The following MAD1L1 variants were observed in gnomAD, a reference collection of about 807,000 sequenced individuals.
MAD1L1 encodes mitotic arrest deficient 1 like 1, also known as mitotic spindle assembly checkpoint protein MAD1.
In MAD1L1, 95 loss-of-function variants were observed where a neutral mutation model predicts 96.9. The observed-to-expected ratio is 0.98, with a 90% CI of 0.83 to 1.16. The LOEUF (loss-of-function observed/expected upper bound fraction) is 1.16. MAD1L1 is among the 50% of genes most tolerant of loss of function. The pLI is 0.00. For missense variants in MAD1L1, 1,007 were observed against 954.4 expected (o/e 1.06, Z -0.73); for synonymous variants, 473 against 396.6 (o/e 1.19, Z -2.29).
intron 9 of MAD1L1, among the ~76,000 whole-genome samples, chr7:2,213,493 T>C (rs1018438991): frequency 1.1e-4 from 17 of 152,178 alleles, no homozygotes; most frequent in African/African-American, 3.9e-4. Context: ...CACTCCTTCC[T>C]GGCCCCGTAA....
intron 18 of MAD1L1, among the ~76,000 whole-genome samples, chr7:1,820,894 A>G (rs1346728507): frequency 6.6e-6 from 1 of 152,052 alleles, no homozygotes; most frequent in Non-Finnish European, 1.5e-5. Flanking sequence ...ATCCTGGCTA[A>G]CACAGTGAAA....
rs1430409430 is a variant in MAD1L1 at position 2,014,501 on chromosome 7, C to T, written c.1359+1G>A. 1 of 1,582,932 alleles carries T rather than the reference C, an allele frequency of 6.3e-7. No individual in the cohort carries two copies. Among genetic ancestry groups the T allele is most frequent in the South Asian group, 1.1e-5 (1 of 88,174 alleles). On this transcript the variant is annotated splice_donor_variant, in intron 13 of 18. Transcript: ENST00000265854. LOFTEE classifies it high-confidence loss of function. Reference sequence around the variant, plus strand: ...TGAGCCCCACGCCCGCGGCCCCTCACCTCCATCTCGGCGCTGTGGCTGTGC... The same window carrying T: ...TGAGCCCCACGCCCGCGGCCCCTCATCTCCATCTCGGCGCTGTGGCTGTGC...
At position 1,844,790 on chromosome 7, in the gene MAD1L1, G is replaced by A. The variant is rs528090789; in HGVS notation, c.1999-28562C>T. ...GATGCTCCTGCAGGGGTGGAGGGGC[G>A]CGTGGGTACAGTCAGCAGGGCTGTG... On this transcript the variant is annotated intron_variant, in intron 18 of 18. Transcript: ENST00000265854. 1.1e-4 allele frequency among the ~76,000 whole-genome samples: 17 copies of A among 152,328 alleles called. No homozygotes were observed. The South Asian group carries it at 2.3e-3, about 20-fold the overall frequency.
rs1218716330 is a variant in MAD1L1, at chr7:1,838,891, G to C, written c.1999-22663C>G. ...CAGGTAAGACTACCTAAGGTTCCAG[G>C]CACACCCTGGGGCGGGGAGGAGGCT... is the stretch of plus-strand genomic sequence containing the variant. On this transcript the variant is annotated intron_variant, in intron 18 of 18. Coordinates refer to ENST00000265854, the MANE Select transcript of MAD1L1 (RefSeq NM_001013836.2). 1.5e-5 allele frequency: 7 copies of C among 470,616 alleles called. No homozygotes were observed. In the East Asian group the frequency reaches 4.9e-4, roughly 33 times the overall value. 29.2% of individuals were successfully genotyped at this position (470,616 alleles called of 1,614,324 possible).
intron 12 of MAD1L1, among the ~76,000 whole-genome samples, chr7:2,026,777 G>A (rs990191146): frequency 8.6e-5 from 13 of 151,998 alleles, no homozygotes; most frequent in South Asian, 4.1e-4. Context: ...CAAAACGTAC[G>A]GTATGCAACT....
Position 1,898,228 on chromosome 7 carries a change from T to G in MAD1L1, c.1970A>C (p.Glu657Ala). 6.2e-7 allele frequency: 1 copy of G among 1,613,054 alleles called. No individual in the cohort carries two copies. The highest frequency in any genetic ancestry group is 8.5e-7 in the Non-Finnish European group (1 of 1,179,590). ...GAAGATGAGGCAGTCGCCTGGGTGC[T>G]CGGCGTACAGCGAGGTCAGCCGGTA... ...NQYRLTSLYA[E>A]HPGDCLIFKA... The change falls in exon 18 of 19, where the codon GAG (glutamate) becomes GCG (alanine). Residue 657 changes from glutamate to alanine, a missense_variant. Coordinates refer to ENST00000265854, the MANE Select transcript of MAD1L1 (RefSeq NM_001013836.2).
At chr7:1,981,743 G>C (rs1435750635) in intron 14 of MAD1L1, among the ~76,000 whole-genome samples, 2 of 152,168 alleles carry the variant, frequency 1.3e-5, no homozygotes, top group Admixed American at 6.5e-5. Flanking sequence ...ATGATGTGAG[G>C]GGGACAACAC....
At chr7:2,204,350 C>T (rs553364412) in intron 10 of MAD1L1, among the ~76,000 whole-genome samples, 2 of 152,152 alleles carry the variant, frequency 1.3e-5, no homozygotes, top group South Asian at 2.1e-4. Flanking sequence ...GTATGATCTG[C>T]GCACGTGAAC....
intron 10 of MAD1L1, among the ~76,000 whole-genome samples, chr7:2,159,801 T>C (rs1790015417): frequency 6.6e-6 from 1 of 152,250 alleles, no homozygotes; most frequent in African/African-American, 2.4e-5. Flanking sequence ...AAACACATCT[T>C]TTCCTATATT....
intron 16 of MAD1L1, among the ~76,000 whole-genome samples, chr7:1,944,373 A>G (rs1483701497): frequency 6.6e-6 from 1 of 152,190 alleles, no homozygotes; most frequent in Non-Finnish European, 1.5e-5. Context: ...TGTGCGTCGC[A>G]TTTCAATAGA....
intron 18 of MAD1L1, among the ~76,000 whole-genome samples, chr7:1,867,213 C>A (rs1784817509): frequency 6.6e-6 from 1 of 152,200 alleles, no homozygotes; most frequent in Non-Finnish European, 1.5e-5. Context: ...GCATCACTGA[C>A]CACATGCCAG....
intron 12 of MAD1L1, among the ~76,000 whole-genome samples, chr7:2,042,749 C>G (rs745902388): frequency 1.3e-5 from 2 of 152,192 alleles, no homozygotes; most frequent in Non-Finnish European, 2.9e-5. Flanking sequence ...TCAGAAGCTT[C>G]CTGGTACCTC....
In MAD1L1 at chr7:2,041,708, C is replaced by T. The variant is rs150355075; in HGVS notation, c.1219-27066G>A. On this transcript the variant is annotated intron_variant, in intron 12 of 18. Coordinates refer to ENST00000265854, the MANE Select transcript of MAD1L1 (RefSeq NM_001013836.2). ...TTGAATGAAACCAGATGAGGAAGAG[C>T]TTTGAAGGCATACCATCAGGTGTCA... 1.2e-3 allele frequency among the ~76,000 whole-genome samples: 187 copies of T among 152,350 alleles called. 2 individuals are homozygous for T. In the East Asian group the frequency reaches 0.026, roughly 21 times the overall value.
intron 13 of MAD1L1, 67 bp from the exon 14 acceptor site, chr7:2,002,188 G>C (rs375005094): frequency 6.8e-7 from 1 of 1,477,428 alleles, no homozygotes; most frequent in Non-Finnish European, 9.4e-7. Context: ...GGACTGCAGG[G>C]AACACAACCC....
intron 10 of MAD1L1, among the ~76,000 whole-genome samples, chr7:2,211,095 G>A (rs1305650285): frequency 1.3e-5 from 2 of 152,198 alleles, no homozygotes; most frequent in Admixed American, 6.5e-5. Flanking sequence ...CATCAAAGCT[G>A]CAGGGCGCCA....
chr7:1,917,614 A>C (rs1431251675), intron 17 of MAD1L1, among the ~76,000 whole-genome samples: 5 of 152,232 alleles, frequency 3.3e-5, no homozygotes, highest in Non-Finnish European at 7.3e-5. Context: ...TTACAAGCAA[A>C]GTTTACAGAC....
intron 18 of MAD1L1, among the ~76,000 whole-genome samples, chr7:1,822,363 C>A (rs1163420736): frequency 6.6e-6 from 1 of 150,552 alleles, no homozygotes; most frequent in Non-Finnish European, 1.5e-5. Context: ...AACTGGAAGA[C>A]TTATAGTAAA....
At position 2,077,837 on chromosome 7, in the gene MAD1L1, C is replaced by T. The variant is rs184297057; in HGVS notation, c.1074-8499G>A. Among the ~76,000 whole-genome samples the T allele has an allele frequency of 1.7e-3, 252 of 152,348 alleles. 1 individual carries two copies. Among genetic ancestry groups the T allele is most frequent in the Non-Finnish European group, 2.5e-3 (170 of 68,032 alleles). On this transcript the variant is annotated intron_variant, in intron 11 of 18. Coordinates refer to ENST00000265854, the MANE Select transcript of MAD1L1 (RefSeq NM_001013836.2). ...GGACAGAACAACCTCCCAAACCACA[C>T]GTGCTCGTCCTCCAGTCACAAGAAC...
chr7:1,859,111 C>A (rs544029303), intron 18 of MAD1L1, among the ~76,000 whole-genome samples: 5 of 109,230 alleles, frequency 4.6e-5, no homozygotes, highest in African/African-American at 1.3e-4. Context: ...ACGGAGCAGA[C>A]CTCCACACAC....
Sources: gnomAD v4.1 joint callset for allele counts (sites outside exome capture counted in the v4.1 genomes callset) on GRCh38, gnomAD v4.1.1 for gene constraint, MANE v1.5 for transcripts, NCBI Gene and HGNC (gene_info 2026-07-23, HGNC 2026-07-21) for gene names.